PHIP: variants seen among roughly 807,000 people sequenced by gnomAD.
PHIP encodes the protein PH-interacting protein.
Under a neutral mutation model 236.8 loss-of-function variants are expected in PHIP, and 54 were observed. The ratio of observed to expected loss-of-function variants is 0.23; its 90% CI spans 0.18 to 0.29. PHIP has a LOEUF of 0.29. Among genes scored for constraint, PHIP ranks in the 10% least tolerant of loss-of-function variants. PHIP has a pLI of 1.00. For synonymous variants in PHIP, 756 were observed against 718.9 expected, an observed-to-expected ratio of 1.05 and a Z score of -0.83; for missense variants, 1,370 against 2,190.8, an observed-to-expected ratio of 0.63 and a Z score of 7.48.
At chr6:79,067,351 G>A (rs751080286) in intron 4 of PHIP, among the ~76,000 whole-genome samples, 5 of 152,236 alleles carry the variant, frequency 3.3e-5, no homozygotes, top group African/African-American at 9.6e-5. Flanking sequence ...TTCCACCTCC[G>A]TTCTCAGTTG....
chr6:79,037,892 C>T (rs1772019745), intron 7 of PHIP, among the ~76,000 whole-genome samples: 1 of 152,102 alleles, frequency 6.6e-6, no homozygotes, highest in South Asian at 2.1e-4. Context: ...ACAACAAAGG[C>T]AAAGACAAAG....
chr6:78,999,753 A>C (rs967781627), intron 17 of PHIP, among the ~76,000 whole-genome samples: 6 of 152,106 alleles, frequency 3.9e-5, no homozygotes, highest in Non-Finnish European at 8.8e-5. Context: ...GTAGTAAGAA[A>C]GGTAAAAGGA....
At chr6:79,056,128 A>G (rs1773058992) in intron 6 of PHIP, among the ~76,000 whole-genome samples, 1 of 152,248 alleles carries the variant, frequency 6.6e-6, no homozygotes, top group Non-Finnish European at 1.5e-5. Flanking sequence ...ACCTAACAGT[A>G]TAGTAGAGGA....
At position 78,958,558 on chromosome 6, in the gene PHIP, A is replaced by C; in HGVS notation, c.3699T>G (p.His1233Gln). ...CAGGCTCATTAAATGTTCGTGTATTATGCTCTATATATCGAACTTCCCACA... is the reference window on the plus strand; with the variant it reads ...CAGGCTCATTAAATGTTCGTGTATTCTGCTCTATATATCGAACTTCCCACA... ...SLMWEVRYIE[H>Q]NTRTFNEPGS... Residue 1233 changes from histidine (H) to glutamine (Q), a missense_variant, in exon 32 of 40, where the codon CAT (histidine) becomes CAG (glutamine). Coordinates refer to ENST00000275034, the MANE Select transcript of PHIP (RefSeq NM_017934.7). 6.3e-7 allele frequency: 1 copy of C among 1,583,534 alleles called. No individual in the cohort carries two copies. Among genetic ancestry groups the C allele is most frequent in the Non-Finnish European group, 8.7e-7 (1 of 1,152,914 alleles).
chr6:79,000,710 T>G (rs1769931292), intron 17 of PHIP, among the ~76,000 whole-genome samples: 1 of 152,048 alleles, frequency 6.6e-6, no homozygotes, highest in Admixed American at 6.6e-5. Context: ...TCTCTAATAC[T>G]GAAACTTATC....
At chr6:78,949,950 A>G (rs556924953) in intron 35 of PHIP, among the ~76,000 whole-genome samples, 3 of 152,254 alleles carry the variant, frequency 2.0e-5, no homozygotes, top group South Asian at 2.1e-4. Flanking sequence ...TGGCCTCCCA[A>G]AGTGCTGGGA....
intron 7 of PHIP, among the ~76,000 whole-genome samples, chr6:79,040,746 A>T (rs1772170604): frequency 6.6e-6 from 1 of 152,118 alleles, no homozygotes. Flanking sequence ...GAATTTTTCA[A>T]AAAAATAGTG....
chr6:78,983,146 A>G, intron 22 of PHIP, 29 bp from the exon 23 acceptor site: 1 of 1,171,786 alleles, frequency 8.5e-7, no homozygotes, highest in Non-Finnish European at 1.2e-6. Context: ...TTATTAGATA[A>G]CACACAAGAT....
intron 24 of PHIP, among the ~76,000 whole-genome samples, chr6:78,972,807 G>T (rs1767695125): frequency 6.6e-6 from 1 of 152,144 alleles, no homozygotes; most frequent in African/African-American, 2.4e-5. Context: ...ATGAAATGAA[G>T]CGAGAAGGGA....
At position 78,938,340 on chromosome 6, in the gene PHIP, T is replaced by C. The variant is rs969643770; in HGVS notation, c.*2353A>G. ...GAAAGATGGTAAATACTCATTTCTT[T>C]GCTTGAGTTGGAATTAACACATACA... On this transcript the variant is annotated 3_prime_UTR_variant, in exon 40 of 40. Coordinates refer to ENST00000275034, the MANE Select transcript of PHIP (RefSeq NM_017934.7). 1.3e-5 allele frequency: 2 copies of C among 151,654 alleles called. No individual in the cohort carries two copies. The highest frequency in any genetic ancestry group is 4.8e-5 in the African/African-American group (2 of 41,422). The allele number at this position is 151,654 out of a possible 1,614,324, so 9.4% of individuals were successfully genotyped here.
chr6:79,067,689 G>A (rs142412429), intron 4 of PHIP: 5 of 152,672 alleles, frequency 3.3e-5, no homozygotes, highest in East Asian at 3.9e-4. Context: ...CCCCCTGATC[G>A]AAAGAATGAT....
Position 79,017,480 on chromosome 6 carries a change from T to C in PHIP, c.1095+3A>G. The C allele has an allele frequency of 1.9e-6, 3 of 1,599,288 alleles. No homozygotes were observed. The highest frequency in any genetic ancestry group is 2.6e-6 in the Non-Finnish European group (3 of 1,167,094). On this transcript the variant is annotated splice_donor_region_variant and intron_variant, in intron 11 of 39. Transcript: ENST00000275034. Reference sequence around the variant, plus strand: ...TCATCTAATTCTTTTCACCAATACTTACAGTATGAAACTCCAATTCTGATA... The same window carrying C: ...TCATCTAATTCTTTTCACCAATACTCACAGTATGAAACTCCAATTCTGATA...
rs1273717807 is a variant in PHIP at position 78,936,418 on chromosome 6, C to T, written c.*4275G>A. 1 of 151,766 alleles carries T rather than the reference C, an allele frequency of 6.6e-6. No individual in the cohort carries two copies. The highest frequency in any genetic ancestry group is 1.9e-4 in the East Asian group (1 of 5,192). 9.4% of individuals were successfully genotyped at this position (151,766 alleles called of 1,614,324 possible). A position where few individuals can be genotyped will look rare whatever the true frequency, so the allele number is the denominator to read the frequency against. ...GTCCAAAAATGTAACTTTGTATTGTCTCATGTTATAGTCTATCATTGTGAC... is the reference window on the plus strand; with the variant it reads ...GTCCAAAAATGTAACTTTGTATTGTTTCATGTTATAGTCTATCATTGTGAC... On this transcript the variant is annotated 3_prime_UTR_variant, in exon 40 of 40. Transcript: ENST00000275034.
intron 30 of PHIP, 42 bp from the exon 31 acceptor site, chr6:78,961,852 C>A: frequency 1.4e-6 from 2 of 1,468,216 alleles, no homozygotes; most frequent in South Asian, 2.5e-5. Flanking sequence ...TTTTGTATGC[C>A]TAAAATAATT....
rs199791085 is a variant in PHIP, at chr6:79,019,064, G to A, written c.994+25C>T. On this transcript the variant is annotated intron_variant, in intron 10 of 39. Coordinates refer to ENST00000275034, the MANE Select transcript of PHIP (RefSeq NM_017934.7). Reference sequence around the variant, plus strand: ...GCTTCTAAATGAACAACTTTAAGTCGAAAATTAGAATGAGGGAAACTTACC... The same window carrying A: ...GCTTCTAAATGAACAACTTTAAGTCAAAAATTAGAATGAGGGAAACTTACC... The A allele has an allele frequency of 7.5e-5, 118 of 1,564,208 alleles. 1 individual carries two copies. The highest frequency in any genetic ancestry group is 6.7e-4 in the Middle Eastern group (4 of 5,956).
chr6:79,055,371 T>G (rs547918801), intron 6 of PHIP, among the ~76,000 whole-genome samples: 17 of 152,304 alleles, frequency 1.1e-4, no homozygotes, highest in African/African-American at 3.8e-4. Flanking sequence ...TATCTCCCCT[T>G]ACTCATGCAC....
chr6:79,036,516 G>C (rs563513734), intron 7 of PHIP, among the ~76,000 whole-genome samples: 1 of 152,124 alleles, frequency 6.6e-6, no homozygotes, highest in African/African-American at 2.4e-5. Context: ...AAAGTTTCAA[G>C]AACAGTACAA....
intron 12 of PHIP, among the ~76,000 whole-genome samples, chr6:79,016,985 A>G (rs913098178): frequency 1.3e-5 from 2 of 152,016 alleles, no homozygotes; most frequent in African/African-American, 4.8e-5. Flanking sequence ...ATTTCCTTTT[A>G]TAACAAGAAC....
intron 32 of PHIP, 62 bp downstream of exon 32, chr6:78,958,413 G>C: frequency 9.6e-7 from 1 of 1,042,434 alleles, no homozygotes; most frequent in South Asian, 1.4e-5. Context: ...TCTATTTTAA[G>C]AGGAACTGTA....
Sources: gnomAD v4.1 joint callset for allele counts (sites outside exome capture counted in the v4.1 genomes callset) on GRCh38, gnomAD v4.1.1 for gene constraint, MANE v1.5 for transcripts, NCBI Gene and HGNC (gene_info 2026-07-23, HGNC 2026-07-21) for gene names.